KIAA2012: variants seen among roughly 807,000 people sequenced by gnomAD.
KIAA2012 encodes the protein KIAA2012.
In KIAA2012, 125 loss-of-function variants were observed where a neutral mutation model predicts 150.6. The observed-to-expected ratio is 0.83, with a 90% CI of 0.72 to 0.96. The LOEUF (loss-of-function observed/expected upper bound fraction) is 0.96, where lower values mean the gene tolerates loss of function less well. KIAA2012 is among the 40% of genes least tolerant of loss of function. The probability of loss-of-function intolerance (pLI) is 0.00; values close to 1 mark genes in which losing one functional copy is unlikely to be tolerated. For missense variants in KIAA2012, 1,219 were observed against 1,354.9 expected (o/e 0.90, Z 1.57); for synonymous variants, 462 against 504.7 (o/e 0.92, Z 1.13).
intron 2 of KIAA2012, among the ~76,000 whole-genome samples, chr2:202,077,513 T>C (rs1689352330): frequency 6.6e-6 from 1 of 152,220 alleles, no homozygotes; most frequent in Non-Finnish European, 1.5e-5. Flanking sequence ...CTCATATCTG[T>C]ACAAAACAGA....
Position 202,160,535 on chromosome 2 carries a change from G to A in KIAA2012, c.2047-4749G>A, listed in dbSNP as rs183694800. ...TTACCATGTTAGCCAGCATGGTCTC[G>A]ATCTCCTGACCTCGTGATCCGCCCA... On this transcript the variant is annotated intron_variant, in intron 14 of 23. Coordinates refer to ENST00000498697, the MANE Select transcript of KIAA2012 (RefSeq NM_001277372.4). Among the ~76,000 whole-genome samples the A allele has an allele frequency of 2.9e-3, 443 of 152,006 alleles. 1 individual carries two copies. The highest frequency in any genetic ancestry group is 6.0e-3 in the South Asian group (29 of 4,804).
chr2:202,177,217 T>C (rs1692009877), intron 15 of KIAA2012, among the ~76,000 whole-genome samples: 1 of 152,180 alleles, frequency 6.6e-6, no homozygotes, highest in Non-Finnish European at 1.5e-5. Flanking sequence ...ATAAATAATA[T>C]CATTTATGTA....
At chr2:202,077,389 A>G (rs1428539502) in intron 2 of KIAA2012, among the ~76,000 whole-genome samples, 2 of 152,220 alleles carry the variant, frequency 1.3e-5, no homozygotes, top group South Asian at 2.1e-4. Context: ...AGATCTTAAT[A>G]GTTTATAAAG....
intron 22 of KIAA2012, chr2:202,197,473 A>G (rs1009594774): frequency 4.8e-5 from 8 of 167,018 alleles, no homozygotes; most frequent in Non-Finnish European, 7.9e-5. Flanking sequence ...CTCTCTTCCC[A>G]TCATATTTAC....
intron 15 of KIAA2012, among the ~76,000 whole-genome samples, chr2:202,169,019 C>T (rs1048273668): frequency 2.0e-5 from 3 of 152,100 alleles, no homozygotes; most frequent in Admixed American, 6.6e-5. Context: ...TGACTTCAAA[C>T]GAGATGGAAG....
At chr2:202,078,151 T>C (rs531150697) in intron 2 of KIAA2012, among the ~76,000 whole-genome samples, 2 of 152,366 alleles carry the variant, frequency 1.3e-5, no homozygotes, top group Admixed American at 6.5e-5. Flanking sequence ...TCTTTATTAC[T>C]AGGCAAAACA....
chr2:202,113,477 T>TC (rs1403010948), intron 11 of KIAA2012, 31 bp downstream of exon 11: 1 of 1,432,594 alleles, frequency 7.0e-7, no homozygotes, highest in East Asian at 2.5e-5. Flanking sequence ...GCAGCCTTGT[T>TC]TTTTTTTTTT....
At chr2:202,198,942 ATCAT>A (rs1423983372) in intron 22 of KIAA2012, among the ~76,000 whole-genome samples, 1 of 152,206 alleles carries the variant, frequency 6.6e-6, no homozygotes, top group East Asian at 1.9e-4. Context: ...TACAAAATGG[ATCAT>A]TAGGAAAGCC....
intron 19 of KIAA2012, among the ~76,000 whole-genome samples, chr2:202,191,943 GC>G (rs1692332437): frequency 6.6e-6 from 1 of 152,162 alleles, no homozygotes; most frequent in Non-Finnish European, 1.5e-5. Flanking sequence ...CAAGACTTAA[GC>G]TTAGGTCCTT....
At chr2:202,138,547 C>T (rs773501763) in intron 13 of KIAA2012, 39 bp downstream of exon 13, 4 of 1,469,636 alleles carry the variant, frequency 2.7e-6, no homozygotes. Flanking sequence ...CACTAGGAGT[C>T]ACAACTCTTG....
intron 8 of KIAA2012, among the ~76,000 whole-genome samples, chr2:202,105,176 GGAAA>G (rs950174467): frequency 2.9e-4 from 43 of 149,324 alleles, no homozygotes; most frequent in African/African-American, 1.0e-3. Context: ...AGAAGGAAAA[GGAAA>G]GAAGGAAGGA....
intron 2 of KIAA2012, among the ~76,000 whole-genome samples, chr2:202,079,977 G>A (rs1370086072): frequency 6.6e-6 from 1 of 152,184 alleles, no homozygotes; most frequent in African/African-American, 2.4e-5. Flanking sequence ...ACAAGCCTAA[G>A]AGCTAGGTGC....
intron 22 of KIAA2012, chr2:202,201,503 T>C: frequency 6.2e-7 from 1 of 1,606,296 alleles, no homozygotes; most frequent in Non-Finnish European, 8.5e-7. Context: ...ATCCAGGAGG[T>C]GGAGGAAGAA....
chr2:202,169,389 C>T (rs1691837412), intron 15 of KIAA2012, among the ~76,000 whole-genome samples: 1 of 152,152 alleles, frequency 6.6e-6, no homozygotes, highest in Non-Finnish European at 1.5e-5. Context: ...GGTCACAGCC[C>T]TCTAACTAGG....
At chr2:202,123,222 G>A (rs35861167) in intron 11 of KIAA2012, among the ~76,000 whole-genome samples, 19,206 of 152,086 alleles carry the variant, frequency 0.13, 1,539 homozygotes, top group Non-Finnish European at 0.16. Flanking sequence ...GCCCTCCTCC[G>A]CCCTCTCGCC....
intron 15 of KIAA2012, among the ~76,000 whole-genome samples, chr2:202,167,541 G>T (rs1691795515): frequency 6.6e-6 from 1 of 152,206 alleles, no homozygotes; most frequent in Non-Finnish European, 1.5e-5. Flanking sequence ...ACAGTAGGAA[G>T]GAATACTGGA....
chr2:202,196,094 C>A (rs552240075), intron 21 of KIAA2012, among the ~76,000 whole-genome samples: 4 of 151,558 alleles, frequency 2.6e-5, no homozygotes, highest in Non-Finnish European at 5.9e-5. Flanking sequence ...GAGATAGGAA[C>A]TTCAGCAGAC....
chr2:202,091,489 G>T (rs919275330), intron 3 of KIAA2012, among the ~76,000 whole-genome samples: 1 of 152,088 alleles, frequency 6.6e-6, no homozygotes, highest in African/African-American at 2.4e-5. Flanking sequence ...TTAGGAGTGC[G>T]ATGGACACCC....
chr2:202,125,146 C>T (rs541691631), intron 11 of KIAA2012, 68 bp from the exon 12 acceptor site: 50 of 1,245,618 alleles, frequency 4.0e-5, no homozygotes, highest in South Asian at 3.4e-4. Context: ...CCCCTGTCTT[C>T]GGATAAGGGA....
Sources: gnomAD v4.1 joint callset for allele counts (sites outside exome capture counted in the v4.1 genomes callset) on GRCh38, gnomAD v4.1.1 for gene constraint, MANE v1.5 for transcripts, NCBI Gene and HGNC (gene_info 2026-07-23, HGNC 2026-07-21) for gene names.